The following ZNF846 variants were observed in gnomAD, a reference collection of about 807,000 sequenced individuals.
ZNF846 encodes the protein zinc finger protein 846.
ZNF846 carries 15 observed loss-of-function variants against 16.0 expected under a neutral mutation model. The observed-to-expected ratio is 0.94, with a 90% CI of 0.63 to 1.45. The LOEUF is 1.45. ZNF846 is among the 40% of genes most tolerant of loss of function. The pLI is 0.00. For missense variants in ZNF846, 714 were observed against 622.3 expected, an observed-to-expected ratio of 1.15 and a Z score of -1.57; for synonymous variants, 229 against 212.0, an observed-to-expected ratio of 1.08 and a Z score of -0.70.
At chr19:9,775,146 A>C (rs1336058831) in intron 1 of ZNF846, among the ~76,000 whole-genome samples, 1 of 151,998 alleles carries the variant, frequency 6.6e-6, no homozygotes, top group African/African-American at 2.4e-5. Context: ...AGAAAGGATT[A>C]AAATCTAAGA....
At chr19:9,785,601 C>A (rs1262622196) in intron 1 of ZNF846, among the ~76,000 whole-genome samples, 2 of 119,820 alleles carry the variant, frequency 1.7e-5, no homozygotes, top group African/African-American at 3.3e-5. Flanking sequence ...TCTCCCTCGC[C>A]GAGTCGCCGC....
At chr19:9,751,028 T>C (rs139150440), downstream of ZNF846, among the ~76,000 whole-genome samples, 1 of 152,318 alleles carries the variant, frequency 6.6e-6, no homozygotes, top group Non-Finnish European at 1.5e-5. Flanking sequence ...CAACTAATTA[T>C]GCTGGACCCA....
At chr19:9,777,371 G>A (rs964525975) in intron 1 of ZNF846, among the ~76,000 whole-genome samples, 7 of 151,852 alleles carry the variant, frequency 4.6e-5, no homozygotes, top group Admixed American at 4.6e-4. Flanking sequence ...ACAATTGGGT[G>A]TGGAAAAACT....
downstream of ZNF846, among the ~76,000 whole-genome samples, chr19:9,753,787 C>T (rs761585118): frequency 1.6e-4 from 25 of 151,518 alleles, no homozygotes; most frequent in Non-Finnish European, 2.9e-4. Context: ...GTGTTTCAGT[C>T]TTTTACATTT....
intron 2 of ZNF846, 164 bp from the exon 3 acceptor site, chr19:9,763,572 T>C (rs1408585313): frequency 4.0e-6 from 2 of 503,208 alleles, no homozygotes; most frequent in Non-Finnish European, 6.8e-6. Context: ...TCCAATCCCA[T>C]GGACTTATCA....
At chr19:9,784,153 A>C (rs1328359690) in intron 1 of ZNF846, among the ~76,000 whole-genome samples, 1 of 152,214 alleles carries the variant, frequency 6.6e-6, no homozygotes, top group Non-Finnish European at 1.5e-5. Flanking sequence ...CACAAAGTAT[A>C]GAGGAAGAAA....
upstream of ZNF846, among the ~76,000 whole-genome samples, chr19:9,769,392 T>C (rs1205117999): frequency 3.3e-5 from 5 of 152,080 alleles, no homozygotes; most frequent in Admixed American, 3.3e-4. Flanking sequence ...AATTTATTTT[T>C]ATTTTATTTT....
chr19:9,756,339 GTGTGTGTA>G (rs2045134454), downstream of ZNF846: 6 of 63,382 alleles, frequency 9.5e-5, no homozygotes, highest in Non-Finnish European at 1.3e-4. Context: ...GTGTGTGTGT[GTGTGTGTA>G]TATATATATA....
At chr19:9,757,315 C>A (rs1426438765), downstream of ZNF846, among the ~76,000 whole-genome samples, 1 of 151,802 alleles carries the variant, frequency 6.6e-6, no homozygotes, top group East Asian at 1.9e-4. Flanking sequence ...AGAATTACTA[C>A]TCTTGCCTAT....
At chr19:9,753,885 TG>T (rs1391962959), downstream of ZNF846, among the ~76,000 whole-genome samples, 7 of 151,774 alleles carry the variant, frequency 4.6e-5, no homozygotes, top group East Asian at 1.4e-3. Flanking sequence ...TCTTCTGTTG[TG>T]GGGTGGGTTG....
downstream of ZNF846, among the ~76,000 whole-genome samples, chr19:9,750,759 C>A (rs2045077482): frequency 6.6e-6 from 1 of 152,178 alleles, no homozygotes; most frequent in East Asian, 1.9e-4. Context: ...TCTGTCACAC[C>A]ATTCTGCAGC....
chr19:9,753,516 A>G (rs1194638191), downstream of ZNF846, among the ~76,000 whole-genome samples: 1 of 151,224 alleles, frequency 6.6e-6, no homozygotes. Context: ...GGCCTCCCAA[A>G]GTGCTGGGAT....
At chr19:9,776,210 G>C (rs1294867058) in intron 1 of ZNF846, among the ~76,000 whole-genome samples, 1 of 152,196 alleles carries the variant, frequency 6.6e-6, no homozygotes, top group Admixed American at 6.5e-5. Context: ...TTTTCCCCGG[G>C]GGGGTTTATA....
intron 5 of ZNF846, among the ~76,000 whole-genome samples, chr19:9,759,409 C>A (rs902191880): frequency 6.6e-6 from 1 of 151,510 alleles, no homozygotes; most frequent in Non-Finnish European, 1.5e-5. Context: ...TTGAGACCAG[C>A]CTGGACAAAA....
chr19:9,759,898 C>A (rs769912802), exon 5 of ZNF846: 1 of 1,613,210 alleles, frequency 6.2e-7, no homozygotes, highest in East Asian at 2.2e-5. Context: ...GCAGAAATAT[C>A]TTGCAGCAGT....
chr19:9,755,178 C>T (rs1295302083), downstream of ZNF846, among the ~76,000 whole-genome samples: 1 of 151,434 alleles, frequency 6.6e-6, no homozygotes, highest in Non-Finnish European at 1.5e-5. Context: ...AATATAACAT[C>T]CTAACATCCA....
intron 1 of ZNF846, among the ~76,000 whole-genome samples, chr19:9,782,066 C>T (rs575050432): frequency 3.3e-5 from 5 of 151,962 alleles, no homozygotes; most frequent in Non-Finnish European, 4.4e-5. Context: ...TGTGAGCCAC[C>T]GCACCCGGCC....
At chr19:9,781,052 T>C (rs1348075264) in intron 1 of ZNF846, among the ~76,000 whole-genome samples, 1 of 152,224 alleles carries the variant, frequency 6.6e-6, no homozygotes, top group African/African-American at 2.4e-5. Flanking sequence ...TATGCTCTTC[T>C]TGTCCACTTG....
At chr19:9,760,291 C>CA (rs111372265) in intron 4 of ZNF846, among the ~76,000 whole-genome samples, 31,565 of 140,548 alleles carry the variant, frequency 0.22, 3,710 homozygotes, top group Admixed American at 0.34. Context: ...GACTTCGTCT[C>CA]AAAAAAAAAA....
Sources: allele counts gnomAD v4.1 joint callset (sites outside exome capture counted in the v4.1 genomes callset), GRCh38; gene constraint gnomAD v4.1.1; transcripts MANE v1.5; gene names NCBI Gene and HGNC (gene_info 2026-07-23, HGNC 2026-07-21).